FOXP2: variants seen among roughly 807,000 people sequenced by gnomAD.
The protein encoded by FOXP2 is forkhead box P2.
In FOXP2, 12 loss-of-function variants were observed where a neutral mutation model predicts 115.8. The ratio of observed to expected loss-of-function variants is 0.10; its 90% CI spans 0.07 to 0.17. The LOEUF is 0.17. Among genes scored for constraint, FOXP2 ranks in the 10% least tolerant of loss-of-function variants. FOXP2 has a pLI of 1.00. For synonymous variants in FOXP2, 328 were observed against 297.7 expected (o/e 1.10, Z -1.05); for missense variants, 629 against 843.5 (o/e 0.75, Z 3.15).
intron 3 of FOXP2, among the ~76,000 whole-genome samples, chr7:114,587,880 A>ATATATATAT (rs1190124247): frequency 3.6e-4 from 22 of 61,432 alleles, no homozygotes; most frequent in Admixed American, 8.0e-4. Flanking sequence ...GAGATAATTA[A>ATATATATAT]ATCCACCTTT....
chr7:114,430,272 A>G (rs554927417), intron 2 of FOXP2, among the ~76,000 whole-genome samples: 111 of 151,902 alleles, frequency 7.3e-4, no homozygotes, highest in African/African-American at 2.5e-3. Flanking sequence ...TGAATTTACA[A>G]AGTATAATGA....
intron 1 of FOXP2, among the ~76,000 whole-genome samples, chr7:114,253,211 A>C (rs1355712213): frequency 6.6e-6 from 1 of 152,140 alleles, no homozygotes; most frequent in East Asian, 1.9e-4. Flanking sequence ...TTTACTTTCA[A>C]GTATGTGGTC....
At chr7:114,416,628 T>G (rs1448373231) in intron 1 of FOXP2, among the ~76,000 whole-genome samples, 1 of 152,030 alleles carries the variant, frequency 6.6e-6, no homozygotes, top group African/African-American at 2.4e-5. Context: ...CGATTGTTCC[T>G]TATCTTTGAA....
At chr7:114,174,943 C>A (rs960451796) in intron 1 of FOXP2, among the ~76,000 whole-genome samples, 2 of 152,052 alleles carry the variant, frequency 1.3e-5, no homozygotes, top group African/African-American at 4.8e-5. Context: ...GTATATCTTG[C>A]CTAAATATCT....
chr7:114,684,848 A>G (rs1456008594), intron 16 of FOXP2, among the ~76,000 whole-genome samples: 1 of 152,216 alleles, frequency 6.6e-6, no homozygotes, highest in Non-Finnish European at 1.5e-5. Flanking sequence ...GAATATTAAC[A>G]TTAGATTTAA....
chr7:114,587,416 T>A (rs1006589120), intron 3 of FOXP2, among the ~76,000 whole-genome samples: 1 of 152,204 alleles, frequency 6.6e-6, no homozygotes, highest in Non-Finnish European at 1.5e-5. Context: ...GCTTAATCCA[T>A]GTCCCTGCAC....
chr7:114,490,498 C>G (rs2129243291), intron 2 of FOXP2, among the ~76,000 whole-genome samples: 2 of 151,826 alleles, frequency 1.3e-5, no homozygotes, highest in African/African-American at 4.8e-5. Context: ...ATGGTGGATG[C>G]ATGTCATTAC....
intron 2 of FOXP2, among the ~76,000 whole-genome samples, chr7:114,366,906 C>A (rs549907694): frequency 6.6e-6 from 1 of 152,022 alleles, no homozygotes; most frequent in South Asian, 2.1e-4. Flanking sequence ...GCCTTTAAAG[C>A]ATTATTAGCA....
chr7:114,396,184 C>T (rs1435299019), intron 2 of FOXP2, among the ~76,000 whole-genome samples: 1 of 152,076 alleles, frequency 6.6e-6, no homozygotes, highest in South Asian at 2.1e-4. Flanking sequence ...TTTGCAGCCT[C>T]TGGTAACCAT....
chr7:114,647,246 A>T (rs949112438), intron 8 of FOXP2, among the ~76,000 whole-genome samples: 3 of 151,718 alleles, frequency 2.0e-5, no homozygotes, highest in African/African-American at 7.3e-5. Context: ...TGAGTCCCAA[A>T]TTATTTTTTT....
chr7:114,420,291 G>A (rs941934428), intron 1 of FOXP2, among the ~76,000 whole-genome samples: 1 of 151,916 alleles, frequency 6.6e-6, no homozygotes, highest in Non-Finnish European at 1.5e-5. Context: ...CTGCATGGAA[G>A]CTTGCAAGCT....
intron 2 of FOXP2, among the ~76,000 whole-genome samples, chr7:114,383,397 T>G (rs2129192333): frequency 6.6e-6 from 1 of 152,260 alleles, no homozygotes; most frequent in East Asian, 1.9e-4. Context: ...TATCTCCTTT[T>G]GGACCGTTTG....
chr7:114,685,197 T>A (rs1031588469), intron 16 of FOXP2, among the ~76,000 whole-genome samples: 1 of 152,194 alleles, frequency 6.6e-6, no homozygotes, highest in African/African-American at 2.4e-5. Context: ...AAATTGGCTA[T>A]GGAACATTTC....
At chr7:114,346,192 C>G (rs1045957629) in intron 2 of FOXP2, among the ~76,000 whole-genome samples, 1 of 151,568 alleles carries the variant, frequency 6.6e-6, no homozygotes, top group African/African-American at 2.4e-5. Context: ...TCAACTAATT[C>G]ACATGTATTT....
chr7:114,285,390 T>G (rs1258921173), intron 1 of FOXP2: 2 of 152,172 alleles, frequency 1.3e-5, no homozygotes, highest in African/African-American at 4.8e-5. Context: ...TTATTGCTAT[T>G]TCTTCATTTA....
chr7:114,234,156 A>C (rs537123722), intron 1 of FOXP2, among the ~76,000 whole-genome samples: 1 of 152,296 alleles, frequency 6.6e-6, no homozygotes, highest in South Asian at 2.1e-4. Flanking sequence ...CCTCATTTAT[A>C]TGATGGGAAA....
At chr7:114,277,545 C>G (rs558689622) in intron 1 of FOXP2, among the ~76,000 whole-genome samples, 1 of 152,158 alleles carries the variant, frequency 6.6e-6, no homozygotes, top group Admixed American at 6.5e-5. Flanking sequence ...AAACCCCTGA[C>G]TTCACTTGCA....
intron 2 of FOXP2, among the ~76,000 whole-genome samples, chr7:114,501,131 C>A (rs571293291): frequency 6.6e-6 from 1 of 152,096 alleles, no homozygotes; most frequent in Admixed American, 6.6e-5. Flanking sequence ...ATTAACCCAA[C>A]AGAACTACAG....
At chr7:114,412,610 A>G (rs1374485601), upstream of FOXP2, among the ~76,000 whole-genome samples, 1 of 152,082 alleles carries the variant, frequency 6.6e-6, no homozygotes, top group Non-Finnish European at 1.5e-5. Flanking sequence ...TTAGGCCTGA[A>G]CTGAAGGTTA....
Sources: allele counts gnomAD v4.1 joint callset (sites outside exome capture counted in the v4.1 genomes callset), GRCh38; gene constraint gnomAD v4.1.1; transcripts MANE v1.5; gene names NCBI Gene and HGNC (gene_info 2026-07-23, HGNC 2026-07-21).